ANK3: variants seen among roughly 807,000 people sequenced by gnomAD.
ANK3 encodes the protein ankyrin-3.
In ANK3, 57 loss-of-function variants were observed where a neutral mutation model predicts 370.9. That is an observed-to-expected ratio of 0.15 (90% CI 0.12 to 0.19). ANK3 has a LOEUF of 0.19. Among genes scored for constraint, ANK3 ranks in the 10% least tolerant of loss-of-function variants. The pLI is 1.00. For synonymous variants in ANK3, 1,929 were observed against 1,946.3 expected (o/e 0.99, Z 0.23); for missense variants, 4,439 against 5,302.1 (o/e 0.84, Z 5.06).
intron 1 of ANK3, among the ~76,000 whole-genome samples, chr10:60,661,736 G>A (rs2078937983): frequency 6.6e-6 from 1 of 152,162 alleles, no homozygotes; most frequent in South Asian, 2.1e-4. Flanking sequence ...TTTGTTTCCA[G>A]GCGTAGCTGC....
chr10:60,276,162 T>C (rs974169938), intron 4 of ANK3, among the ~76,000 whole-genome samples: 1 of 152,170 alleles, frequency 6.6e-6, no homozygotes, highest in Non-Finnish European at 1.5e-5. Flanking sequence ...GAACTTGATA[T>C]TGCCCAATGT....
intron 1 of ANK3, among the ~76,000 whole-genome samples, chr10:60,328,180 A>G (rs1000015055): frequency 2.6e-5 from 4 of 152,218 alleles, no homozygotes; most frequent in Admixed American, 2.6e-4. Flanking sequence ...CTGAGAGACA[A>G]CAATTGAAAC....
In ANK3 at chr10:60,072,874, C is replaced by G. The variant is rs756934135; in HGVS notation, c.8007G>C (p.Leu2669=). 2 of 1,614,092 alleles carry G rather than the reference C, an allele frequency of 1.2e-6. No individual in the cohort carries two copies. Among genetic ancestry groups the G allele is most frequent in the East Asian group, 2.2e-5 (1 of 44,866 alleles). ...FPKAEEKAPS[L]PSSPEKMVLS... ...GAACCATCTTCTCTGGGCTGCTGGGCAGACTGGGTGCCTTCTCCTCGGCCT... is the reference window on the plus strand; with the variant it reads ...GAACCATCTTCTCTGGGCTGCTGGGGAGACTGGGTGCCTTCTCCTCGGCCT... Residue 2669 remains leucine, a synonymous_variant, in exon 37 of 44, where the codon CTG becomes CTC. Transcript: ENST00000280772.
intron 1 of ANK3, among the ~76,000 whole-genome samples, chr10:60,660,952 A>G (rs1458010781): frequency 6.7e-6 from 1 of 150,130 alleles, no homozygotes; most frequent in Non-Finnish European, 1.5e-5. Flanking sequence ...TCTATAAGAC[A>G]TAACACATAA....
intron 2 of ANK3, among the ~76,000 whole-genome samples, chr10:60,468,785 A>C (rs1440662040): frequency 6.6e-6 from 1 of 151,696 alleles, no homozygotes; most frequent in Non-Finnish European, 1.5e-5. Context: ...CTCAATATAC[A>C]CTGGTTATTG....
intron 23 of ANK3, among the ~76,000 whole-genome samples, chr10:60,162,127 TC>T (rs1455381367): frequency 2.0e-5 from 3 of 152,178 alleles, no homozygotes; most frequent in African/African-American, 7.2e-5. Flanking sequence ...TTAACACACC[TC>T]CTTTTTTTGA....
intron 43 of ANK3, among the ~76,000 whole-genome samples, chr10:60,030,923 G>A (rs1306710791): frequency 2.0e-5 from 3 of 152,148 alleles, no homozygotes; most frequent in East Asian, 3.9e-4. Context: ...GCTGCTTGGG[G>A]AAGCCATTTG....
chr10:60,510,418 A>G (rs2133161260), intron 2 of ANK3, among the ~76,000 whole-genome samples: 1 of 152,294 alleles, frequency 6.6e-6, no homozygotes, highest in Admixed American at 6.5e-5. Flanking sequence ...ACCATGTGCC[A>G]AGTACAATAC....
At chr10:60,148,901 T>C (rs186917385) in intron 23 of ANK3, among the ~76,000 whole-genome samples, 57 of 152,308 alleles carry the variant, frequency 3.7e-4, no homozygotes, top group African/African-American at 1.4e-3. Flanking sequence ...CCTTAGCTAT[T>C]TGTCTAGCCT....
chr10:60,149,862 C>T (rs1270864827), intron 23 of ANK3, among the ~76,000 whole-genome samples: 1 of 152,210 alleles, frequency 6.6e-6, no homozygotes, highest in African/African-American at 2.4e-5. Flanking sequence ...GCACCCACCA[C>T]CACGCCTGGC....
At chr10:60,722,051 TTA>T (rs10610167) in intron 1 of ANK3, among the ~76,000 whole-genome samples, 2,714 of 152,120 alleles carry the variant, frequency 0.018, 73 homozygotes, top group African/African-American at 0.062. Context: ...GGCTGATCAG[TTA>T]TACACATTGA....
At chr10:60,094,787 T>C (rs911656352) in intron 28 of ANK3, among the ~76,000 whole-genome samples, 2 of 152,146 alleles carry the variant, frequency 1.3e-5, no homozygotes, top group African/African-American at 4.8e-5. Flanking sequence ...TACAGAATTC[T>C]TAGGATCTGA....
chr10:60,186,162 T>C (rs928231978), intron 17 of ANK3, among the ~76,000 whole-genome samples: 1 of 152,196 alleles, frequency 6.6e-6, no homozygotes, highest in African/African-American at 2.4e-5. Flanking sequence ...TTGCAGCTTC[T>C]TCTTTGCTAT....
At chr10:60,262,408 G>T (rs1337238300) in intron 6 of ANK3, among the ~76,000 whole-genome samples, 3 of 152,120 alleles carry the variant, frequency 2.0e-5, no homozygotes, top group African/African-American at 4.8e-5. Context: ...AAGCAGTTTT[G>T]GGGGGAAGAC....
chr10:60,470,606 C>T (rs892014005), intron 2 of ANK3, among the ~76,000 whole-genome samples: 1 of 151,984 alleles, frequency 6.6e-6, no homozygotes, highest in African/African-American at 2.4e-5. Context: ...ACAATCACCC[C>T]CGTGGCTGGT....
intron 8 of ANK3, among the ~76,000 whole-genome samples, chr10:60,218,271 G>A (rs759392811): frequency 1.6e-4 from 25 of 151,676 alleles, no homozygotes; most frequent in South Asian, 2.1e-4. Flanking sequence ...GTGGCCTTTC[G>A]CCCATTTATA....
chr10:60,278,744 A>C (rs747895783), intron 4 of ANK3, 30 bp downstream of exon 4: 2 of 1,557,682 alleles, frequency 1.3e-6, no homozygotes, highest in Non-Finnish European at 1.8e-6. Flanking sequence ...ATGATAACAA[A>C]ATGTCTGTGG....
intron 1 of ANK3, among the ~76,000 whole-genome samples, chr10:60,691,543 G>A (rs1043041552): frequency 6.6e-5 from 10 of 152,100 alleles, no homozygotes; most frequent in Non-Finnish European, 1.2e-4. Context: ...TTAAACTAAC[G>A]GCATGTCAAA....
chr10:60,060,209 T>A (rs2080102725), intron 40 of ANK3: 2 of 402,894 alleles, frequency 5.0e-6, no homozygotes, highest in Non-Finnish European at 8.8e-6. Context: ...AATAGAATAC[T>A]AATTAAGATA....
Sources: gnomAD v4.1 joint callset for allele counts (sites outside exome capture counted in the v4.1 genomes callset) on GRCh38, gnomAD v4.1.1 for gene constraint, MANE v1.5 for transcripts, NCBI Gene and HGNC (gene_info 2026-07-23, HGNC 2026-07-21) for gene names.